Variants in SIPA1L1 observed in about 807,000 individuals in gnomAD.
SIPA1L1 encodes the protein signal-induced proliferation-associated 1-like protein 1.
In SIPA1L1, 26 loss-of-function variants were observed where a neutral mutation model predicts 162.7. That is an observed-to-expected ratio of 0.16 (90% CI 0.12 to 0.22). SIPA1L1 has a LOEUF of 0.22. Among genes scored for constraint, SIPA1L1 ranks in the 10% least tolerant of loss-of-function variants. The pLI, the probability that SIPA1L1 is intolerant of heterozygous loss-of-function variation, is 1.00. For missense variants in SIPA1L1, 1,874 were observed against 2,241.0 expected (o/e 0.84, Z 3.31); for synonymous variants, 829 against 837.4 (o/e 0.99, Z 0.17).
intron 10 of SIPA1L1, among the ~76,000 whole-genome samples, chr14:71,662,331 T>C (rs2043600566): frequency 6.6e-6 from 1 of 152,228 alleles, no homozygotes; most frequent in Non-Finnish European, 1.5e-5. Flanking sequence ...GTAGAGGTTA[T>C]GTTGGTCTCC....
chr14:71,426,257 G>A (rs2043551266), intron 2 of SIPA1L1, among the ~76,000 whole-genome samples: 1 of 152,044 alleles, frequency 6.6e-6, no homozygotes. Context: ...TGACTGATAA[G>A]GAGGCACTTT....
At chr14:71,393,045 A>G (rs1039102799) in intron 2 of SIPA1L1, among the ~76,000 whole-genome samples, 4 of 152,240 alleles carry the variant, frequency 2.6e-5, no homozygotes, top group African/African-American at 9.6e-5. Context: ...TATAATAAAT[A>G]CATAGTTGAA....
chr14:71,496,677 T>C (rs951329149), intron 2 of SIPA1L1, among the ~76,000 whole-genome samples: 1 of 152,226 alleles, frequency 6.6e-6, no homozygotes, highest in South Asian at 2.1e-4. Context: ...TTCTGTCAAT[T>C]ATTTAGAGTG....
chr14:71,364,521 C>G (rs1357986973), intron 2 of SIPA1L1, among the ~76,000 whole-genome samples: 1 of 152,036 alleles, frequency 6.6e-6, no homozygotes, highest in African/African-American at 2.4e-5. Flanking sequence ...TTGTGTGTGT[C>G]ACTAATTTAT....
chr14:71,465,262 C>T (rs921796829), intron 2 of SIPA1L1, among the ~76,000 whole-genome samples: 5 of 152,200 alleles, frequency 3.3e-5, no homozygotes, highest in African/African-American at 1.2e-4. Context: ...ATGATAAGAG[C>T]TTGTGTCTGT....
chr14:71,462,495 C>T lies in SIPA1L1; in HGVS notation c.-464-50248C>T, dbSNP rs117270031. Among the ~76,000 whole-genome samples, 35 of 152,250 alleles carry T rather than the reference C, an allele frequency of 2.3e-4. 2 individuals are homozygous for T. The East Asian group carries it at 5.2e-3, about 23-fold the overall frequency. Reference sequence around the variant, plus strand: ...ACCCACATGAGGAATGTGTTGCCTCCGAAATCCAAATAGGTCCACTAGGCG... The same window carrying T: ...ACCCACATGAGGAATGTGTTGCCTCTGAAATCCAAATAGGTCCACTAGGCG... On this transcript the variant is annotated intron_variant, in intron 2 of 23. Coordinates refer to ENST00000381232, the MANE Select transcript of SIPA1L1 (RefSeq NM_001386936.1).
chr14:71,580,581 T>C (rs1233885443), intron 4 of SIPA1L1, among the ~76,000 whole-genome samples: 3 of 152,234 alleles, frequency 2.0e-5, no homozygotes, highest in South Asian at 4.1e-4. Flanking sequence ...GCTAATCTTA[T>C]AATCTTTAGT....
At chr14:71,460,808 G>T (rs1365273951) in intron 2 of SIPA1L1, among the ~76,000 whole-genome samples, 4 of 152,092 alleles carry the variant, frequency 2.6e-5, no homozygotes, top group Admixed American at 6.6e-5. Flanking sequence ...TATATTATTG[G>T]ACACTGATTC....
chr14:71,694,391 A>G (rs1482694666), intron 13 of SIPA1L1, among the ~76,000 whole-genome samples: 1 of 152,086 alleles, frequency 6.6e-6, no homozygotes, highest in Non-Finnish European at 1.5e-5. Flanking sequence ...CATATAAATG[A>G]AAAGCTGGTG....
At chr14:71,432,111 G>A (rs535379896) in intron 2 of SIPA1L1, among the ~76,000 whole-genome samples, 1 of 151,960 alleles carries the variant, frequency 6.6e-6, no homozygotes, top group Admixed American at 6.6e-5. Context: ...TCTTGTCTCT[G>A]TAGCCCAGGC....
At chr14:71,712,321 T>C (rs146578121) in intron 17 of SIPA1L1, among the ~76,000 whole-genome samples, 1 of 152,318 alleles carries the variant, frequency 6.6e-6, no homozygotes, top group Non-Finnish European at 1.5e-5. Context: ...GGTAATTACA[T>C]AGAGTTGCTA....
intron 4 of SIPA1L1, among the ~76,000 whole-genome samples, chr14:71,562,022 T>C (rs1260903087): frequency 6.6e-6 from 1 of 152,164 alleles, no homozygotes; most frequent in African/African-American, 2.4e-5. Context: ...GTGTAGAATA[T>C]TTGTTAGCCA....
At chr14:71,406,586 C>T (rs1473324820) in intron 2 of SIPA1L1, among the ~76,000 whole-genome samples, 1 of 146,022 alleles carries the variant, frequency 6.8e-6, no homozygotes, top group Non-Finnish European at 1.6e-5. Context: ...ATTAGATTAC[C>T]TTGGGGGGAT....
intron 4 of SIPA1L1, among the ~76,000 whole-genome samples, chr14:71,565,748 G>A (rs532571274): frequency 4.5e-4 from 69 of 151,900 alleles, no homozygotes; most frequent in Non-Finnish European, 8.8e-4. Flanking sequence ...TAAAAATTAT[G>A]GGGTGTATGT....
intron 2 of SIPA1L1, among the ~76,000 whole-genome samples, chr14:71,410,457 G>C (rs549975428): frequency 1.3e-5 from 2 of 152,180 alleles, no homozygotes; most frequent in East Asian, 3.8e-4. Context: ...GCCCCTAAAC[G>C]TTTAGGGTTA....
rs888199089 is a variant in SIPA1L1, at chr14:71,377,582, G to A, written c.-465+56401G>A. ...TCACTTCCTACACGGGGTGGCGGCC[G>A]GGCAGAGGCTGCAATCTCAGCACTT... On this transcript the variant is annotated intron_variant, in intron 2 of 23. Coordinates refer to ENST00000381232, the MANE Select transcript of SIPA1L1 (RefSeq NM_001386936.1). The surrounding 1 kb of genome is among the most constrained non-coding windows in gnomAD (Gnocchi z 4.8). Among the ~76,000 whole-genome samples the A allele has an allele frequency of 6.6e-6, 1 of 152,160 alleles. No homozygotes were observed. The highest frequency in any genetic ancestry group is 1.5e-5 in the Non-Finnish European group (1 of 68,024).
intron 2 of SIPA1L1, among the ~76,000 whole-genome samples, chr14:71,356,165 C>A (rs963715318): frequency 6.6e-6 from 1 of 152,140 alleles, no homozygotes; most frequent in African/African-American, 2.4e-5. Context: ...TGTGGTATGT[C>A]TGGTTGGTGG....
intron 2 of SIPA1L1, among the ~76,000 whole-genome samples, chr14:71,502,255 A>AAAAAAAATAT (rs67020418): frequency 4.1e-5 from 4 of 97,552 alleles, no homozygotes; most frequent in African/African-American, 1.8e-4. Flanking sequence ...AAAAAAAAAA[A>AAAAAAAATAT]ATATATATAT....
chr14:71,357,932 A>T (rs2037432258), intron 2 of SIPA1L1, among the ~76,000 whole-genome samples: 1 of 152,138 alleles, frequency 6.6e-6, no homozygotes, highest in Non-Finnish European at 1.5e-5. Context: ...AGGTTTTGTT[A>T]CATTGGCCAG....
Sources: allele counts gnomAD v4.1 joint callset (sites outside exome capture counted in the v4.1 genomes callset), GRCh38; gene constraint gnomAD v4.1.1; non-coding constraint Gnocchi (gnomAD v3.1); transcripts MANE v1.5; gene names NCBI Gene and HGNC (gene_info 2026-07-23, HGNC 2026-07-21).